The following COQ8B variants were observed in gnomAD, a reference collection of about 807,000 sequenced individuals.
The protein encoded by COQ8B is coenzyme Q8B, also known as atypical kinase COQ8B, mitochondrial.
In COQ8B, 44 loss-of-function variants were observed where a neutral mutation model predicts 62.0. The ratio of observed to expected loss-of-function variants is 0.71; its 90% CI spans 0.56 to 0.91. The LOEUF is 0.91. COQ8B is among the 40% of genes least tolerant of loss of function. COQ8B has a pLI of 0.00. For synonymous variants in COQ8B, 252 were observed against 289.9 expected, an observed-to-expected ratio of 0.87 and a Z score of 1.33; for missense variants, 649 against 731.6, an observed-to-expected ratio of 0.89 and a Z score of 1.30.
intron 8 of COQ8B, 31 bp downstream of exon 8, chr19:40,703,684 C>T (rs374572828): frequency 8.8e-5 from 142 of 1,613,812 alleles, no homozygotes; most frequent in African/African-American, 2.5e-4. Flanking sequence ...GCAGGGTGCC[C>T]GCCCCTACCC....
Position 40,700,452 on chromosome 19 carries a change from C to T in COQ8B, c.894-1G>A, listed in dbSNP as rs1346821277. 1.9e-6 allele frequency: 3 copies of T among 1,612,886 alleles called. No homozygotes were observed. The highest frequency in any genetic ancestry group is 2.5e-6 in the Non-Finnish European group (3 of 1,179,608). ...GAAGGGGTCATTTGCCAGCAGCTGC[C>T]TGGGGCAGAAGGAAAGGGAGGAAGG... On this transcript the variant is annotated splice_acceptor_variant, in intron 10 of 14. Coordinates refer to ENST00000324464, the MANE Select transcript of COQ8B (RefSeq NM_024876.4). LOFTEE classifies it high-confidence loss of function.
chr19:40,710,140 G>A lies in COQ8B; in HGVS notation c.290-4C>T, dbSNP rs1038594257. On this transcript the variant is annotated splice_polypyrimidine_tract_variant and splice_region_variant and intron_variant, in intron 4 of 14. Coordinates refer to ENST00000324464, the MANE Select transcript of COQ8B (RefSeq NM_024876.4). The stretch of plus-strand genomic sequence containing the variant: ...AGCCCCAAGCCCACAGCCAGTCCTG[G>A]AGTGCAAGAGAAGAACATGAGTGCC... 6 of 1,613,978 alleles carry A rather than the reference G, an allele frequency of 3.7e-6. No homozygotes were observed. In the Middle Eastern group the frequency reaches 5.0e-4, roughly 133 times the overall value.
At chr19:40,712,206 A>C (rs1413938668) in intron 4 of COQ8B, among the ~76,000 whole-genome samples, 1 of 152,012 alleles carries the variant, frequency 6.6e-6, no homozygotes, top group African/African-American at 2.4e-5. Flanking sequence ...TGGGAGGCTG[A>C]GGCAGGTGGA....
rs1197599676 is a variant in COQ8B at position 40,692,321 on chromosome 19, G to A, written c.1349C>T (p.Ala450Val). 20 of 1,613,674 alleles carry A rather than the reference G, an allele frequency of 1.2e-5. No individual in the cohort carries two copies. The highest frequency in any genetic ancestry group is 1.7e-5 in the Non-Finnish European group (20 of 1,179,872). The stretch of plus-strand genomic sequence containing the variant: ...CCCAAAGTCATAAGGGCCCTGGGTG[G>A]CGAAAGGCTCCCCCAGGATCATCAC... ...EAVMILGEPF[A>V]TQGPYDFGSG... Residue 450 changes from alanine to valine, a missense_variant, in exon 15 of 15, where the codon GCC becomes GTC. Transcript: ENST00000324464.
At chr19:40,711,988 C>T (rs1307303363) in intron 4 of COQ8B, among the ~76,000 whole-genome samples, 2 of 152,010 alleles carry the variant, frequency 1.3e-5, no homozygotes, top group Admixed American at 1.3e-4. Context: ...CTTTGACTGC[C>T]TCTGCAGACT....
In COQ8B at chr19:40,713,703, G is replaced by A. The variant is rs1387809471; in HGVS notation, c.289+364C>T. 8.9e-5 allele frequency among the ~76,000 whole-genome samples: 13 copies of A among 145,652 alleles called. 1 individual carries two copies. Among genetic ancestry groups the A allele is most frequent in the Non-Finnish European group, 1.3e-4 (9 of 67,770 alleles). ...TGCACTCCAGCCTGGGCAACAGAGC[G>A]AGACTCTGTCTCAAAGGAAAAAAAA... On this transcript the variant is annotated intron_variant, in intron 4 of 14. Transcript: ENST00000324464.
chr19:40,713,651 G>A (rs1040262001), intron 4 of COQ8B, among the ~76,000 whole-genome samples: 1 of 148,942 alleles, frequency 6.7e-6, no homozygotes, highest in African/African-American at 2.6e-5. Flanking sequence ...AGGAGGCAGA[G>A]GTTGCAATGA....
At chr19:40,703,346 A>C in intron 9 of COQ8B, 195 bp downstream of exon 9, 1 of 596,122 alleles carries the variant, frequency 1.7e-6, no homozygotes, top group Non-Finnish European at 2.9e-6. Flanking sequence ...GCTCTGTTAA[A>C]ATCCATAAGG....
chr19:40,694,114 A>T (rs920563385), intron 13 of COQ8B, among the ~76,000 whole-genome samples: 1 of 152,108 alleles, frequency 6.6e-6, no homozygotes, highest in Non-Finnish European at 1.5e-5. Context: ...GAGGGCCCCA[A>T]GGGGCCTGTG....
chr19:40,700,478 G>A lies in COQ8B; in HGVS notation c.894-27C>T, dbSNP rs561215556. 1.1e-5 allele frequency: 18 copies of A among 1,606,648 alleles called. No individual in the cohort carries two copies. In the East Asian group the frequency reaches 1.8e-4, roughly 16 times the overall value. ...TGGGGCAGAAGGAAAGGGAGGAAGGGGACTTCGTGCTTCAGGCTTGTGACC... is the reference window on the plus strand; with the variant it reads ...TGGGGCAGAAGGAAAGGGAGGAAGGAGACTTCGTGCTTCAGGCTTGTGACC... On this transcript the variant is annotated intron_variant, in intron 10 of 14. Coordinates refer to ENST00000324464, the MANE Select transcript of COQ8B (RefSeq NM_024876.4).
intron 1 of COQ8B, chr19:40,715,207 G>A: frequency 2.0e-6 from 2 of 984,676 alleles, no homozygotes. Context: ...GGGGGAAGGG[G>A]CCAGAGAGAG....
At position 40,703,521 on chromosome 19, in the gene COQ8B, G is replaced by A; in HGVS notation, c.799+20C>T. The A allele has an allele frequency of 1.3e-6, 2 of 1,589,110 alleles. No homozygotes were observed. Among genetic ancestry groups the A allele is most frequent in the Non-Finnish European group, 1.7e-6 (2 of 1,166,082 alleles). On this transcript the variant is annotated intron_variant, in intron 9 of 14. Transcript: ENST00000324464. ...ATAGCCCCTTTGGGAGGTCAGCAGA[G>A]GAGTGGGTGGGCGCCTCACCCGCGG...
rs1461368345 is a variant in COQ8B, at chr19:40,714,303, C to T, written c.197G>A (p.Arg66His). ...EEDIRRAREA[R>H]PRKTPRPQLS... ...CTGGGGCCGGGGTGTCTTCCTGGGACGGGCCTCCCGTGCCCTGCGAATGTC... is the reference window on the plus strand; with the variant it reads ...CTGGGGCCGGGGTGTCTTCCTGGGATGGGCCTCCCGTGCCCTGCGAATGTC... The change falls in exon 3 of 15, where the codon CGT becomes CAT. Residue 66 changes from arginine (R) to histidine (H), a missense_variant. Coordinates refer to ENST00000324464, the MANE Select transcript of COQ8B (RefSeq NM_024876.4). 5 of 1,613,372 alleles carry T rather than the reference C, an allele frequency of 3.1e-6. No homozygotes were observed. Among genetic ancestry groups the T allele is most frequent in the South Asian group, 1.1e-5 (1 of 90,986 alleles).
At position 40,692,816 on chromosome 19, in the gene COQ8B, C is replaced by A. The variant is rs2081984085; in HGVS notation, c.1296+135G>T. On this transcript the variant is annotated intron_variant, in intron 14 of 14. Transcript: ENST00000324464. The stretch of plus-strand genomic sequence containing the variant: ...CTCCATTCTCCCTAGTGGAGACAAG[C>A]CCCTCCTAGAGTCCCCCAGTCCCCG... The A allele has an allele frequency of 8.9e-5, 63 of 705,964 alleles. 5 individuals carry two copies. The South Asian group carries it at 1.1e-3, about 12-fold the overall frequency. The allele number at this position is 705,964 out of a possible 1,614,324, so 43.7% of individuals were successfully genotyped here.
chr19:40,702,701 G>A lies in COQ8B; in HGVS notation c.800-8C>T. On this transcript the variant is annotated splice_polypyrimidine_tract_variant and splice_region_variant and intron_variant, in intron 9 of 14. Coordinates refer to ENST00000324464, the MANE Select transcript of COQ8B (RefSeq NM_024876.4). Reference sequence around the variant, plus strand: ...TCTGCTCGGCAAACAGGCCTGTGGGGGAGGTGTGTCAGCCAGGGAAGGGCC... The same window carrying A: ...TCTGCTCGGCAAACAGGCCTGTGGGAGAGGTGTGTCAGCCAGGGAAGGGCC... The A allele has an allele frequency of 6.2e-7, 1 of 1,606,096 alleles. No homozygotes were observed. The highest frequency in any genetic ancestry group is 8.5e-7 in the Non-Finnish European group (1 of 1,179,834).
chr19:40,713,548 CAAAAA>C (rs59738172), intron 4 of COQ8B, among the ~76,000 whole-genome samples: 1 of 90,344 alleles, frequency 1.1e-5, no homozygotes, highest in Non-Finnish European at 2.4e-5. Flanking sequence ...TACTCCGTCT[CAAAAA>C]AAAAAAAAAA....
chr19:40,714,596 C>A lies in COQ8B; in HGVS notation c.37G>T (p.Gly13Cys), dbSNP rs776470920. 6.2e-7 allele frequency: 1 copy of A among 1,611,526 alleles called. No homozygotes were observed. Residue 13 changes from glycine to cysteine, a missense_variant, in exon 2 of 15, where the codon GGT becomes TGT. Coordinates refer to ENST00000324464, the MANE Select transcript of COQ8B (RefSeq NM_024876.4). Reference sequence around the variant, plus strand: ...CCAACAGTCTGGCCCAGCTGTCCACCGGTCCCCCGAAGTAGGCCCCCCACC... The same window carrying A: ...CCAACAGTCTGGCCCAGCTGTCCACAGGTCCCCCGAAGTAGGCCCCCCACC... ...LKVGGLLRGT[G>C]GQLGQTVGWP...
At chr19:40,699,251 T>C (rs2082042687) in intron 12 of COQ8B, among the ~76,000 whole-genome samples, 1 of 151,796 alleles carries the variant, frequency 6.6e-6, no homozygotes, top group Non-Finnish European at 1.5e-5. Context: ...CCTCAGCCTC[T>C]CAGTGGCCTC....
intron 5 of COQ8B, among the ~76,000 whole-genome samples, chr19:40,709,128 G>T (rs1189508806): frequency 6.6e-6 from 1 of 152,078 alleles, no homozygotes; most frequent in Non-Finnish European, 1.5e-5. Context: ...CTTAAGCTTT[G>T]CTAAGAATAA....
Sources: gnomAD v4.1 joint callset for allele counts (sites outside exome capture counted in the v4.1 genomes callset) on GRCh38, gnomAD v4.1.1 for gene constraint, MANE v1.5 for transcripts, NCBI Gene and HGNC (gene_info 2026-07-23, HGNC 2026-07-21) for gene names.